The following XRCC4 variants were observed in gnomAD, a reference collection of about 807,000 sequenced individuals.
XRCC4 encodes DNA repair protein XRCC4.
A neutral mutation model predicts 39.1 loss-of-function variants in XRCC4; 28 were observed. The observed-to-expected ratio is 0.72, with a 90% CI of 0.53 to 0.98. The LOEUF (loss-of-function observed/expected upper bound fraction) is 0.98. XRCC4 is among the 50% of genes least tolerant of loss of function. XRCC4 has a pLI of 0.00. For missense variants in XRCC4, 350 were observed against 376.4 expected (o/e 0.93, Z 0.58); for synonymous variants, 123 against 126.4 (o/e 0.97, Z 0.18).
At chr5:83,139,723 T>C (rs1046682325) in intron 3 of XRCC4, among the ~76,000 whole-genome samples, 2 of 152,212 alleles carry the variant, frequency 1.3e-5, no homozygotes, top group Non-Finnish European at 2.9e-5. Flanking sequence ...CCATACAGCA[T>C]GTTGCTGTGC....
intron 4 of XRCC4, among the ~76,000 whole-genome samples, chr5:83,202,346 C>T (rs1339039922): frequency 1.3e-5 from 2 of 152,350 alleles, no homozygotes; most frequent in African/African-American, 4.8e-5. Flanking sequence ...ATAAAACACA[C>T]ATGCTGTCTG....
intron 3 of XRCC4, among the ~76,000 whole-genome samples, chr5:83,163,134 A>G (rs1749300776): frequency 6.6e-6 from 1 of 151,614 alleles, no homozygotes; most frequent in Non-Finnish European, 1.5e-5. Context: ...TTTAGTAAAG[A>G]CGGGGTTTCA....
At chr5:83,153,630 T>C (rs1049201581) in intron 3 of XRCC4, among the ~76,000 whole-genome samples, 2 of 152,172 alleles carry the variant, frequency 1.3e-5, no homozygotes, top group African/African-American at 4.8e-5. Flanking sequence ...AAAATAGTGA[T>C]GATGACAAAG....
Position 83,299,840 on chromosome 5 carries a change from T to C in XRCC4, c.893+41163T>C, listed in dbSNP as rs188210931. Among the ~76,000 whole-genome samples the C allele has an allele frequency of 7.9e-3, 1,202 of 152,112 alleles. 9 individuals are homozygous for C. Among genetic ancestry groups the C allele is most frequent in the South Asian group, 0.018 (88 of 4,826 alleles). The stretch of plus-strand genomic sequence containing the variant: ...ATCATCAACATGGTTATTTTATTGC[T>C]GTCTCTGTTAGTTATAATATTTGAA... On this transcript the variant is annotated intron_variant, in intron 7 of 7. Coordinates refer to ENST00000396027, the MANE Select transcript of XRCC4 (RefSeq NM_003401.5).
At chr5:83,297,515 T>C (rs1755136215) in intron 7 of XRCC4, among the ~76,000 whole-genome samples, 1 of 151,948 alleles carries the variant, frequency 6.6e-6, no homozygotes, top group Non-Finnish European at 1.5e-5. Flanking sequence ...ATTAAATGAA[T>C]ACACCAATAC....
intron 3 of XRCC4, among the ~76,000 whole-genome samples, chr5:83,193,972 C>T (rs1750826783): frequency 6.6e-6 from 1 of 151,828 alleles, no homozygotes; most frequent in Non-Finnish European, 1.5e-5. Flanking sequence ...CTCGCTGTAT[C>T]GCCCAGGCTG....
At chr5:83,112,055 T>C (rs1479877884) in intron 3 of XRCC4, among the ~76,000 whole-genome samples, 2 of 152,198 alleles carry the variant, frequency 1.3e-5, no homozygotes, top group African/African-American at 4.8e-5. Context: ...TAAACATTTG[T>C]AGAAACAAAT....
At chr5:83,104,795 TG>T in intron 1 of XRCC4, 114 bp from the exon 2 acceptor site, 1 of 872,354 alleles carries the variant, frequency 1.1e-6, no homozygotes, top group Non-Finnish European at 1.8e-6. Flanking sequence ...ACAGTTTTTT[TG>T]TTTTGCTTAT....
chr5:83,335,997 A>G (rs951145281), intron 7 of XRCC4, among the ~76,000 whole-genome samples: 3 of 152,012 alleles, frequency 2.0e-5, no homozygotes. Flanking sequence ...AGTTTTTTTT[A>G]ATTGTTCCTT....
At chr5:83,137,733 TTTAA>T (rs1364560031) in intron 3 of XRCC4, among the ~76,000 whole-genome samples, 13 of 152,260 alleles carry the variant, frequency 8.5e-5, no homozygotes, top group African/African-American at 2.4e-4. Context: ...GTTGTAAGGA[TTTAA>T]TTAATTAGTG....
intron 7 of XRCC4, among the ~76,000 whole-genome samples, chr5:83,352,024 A>G (rs569496680): frequency 3.9e-5 from 6 of 152,326 alleles, no homozygotes; most frequent in African/African-American, 9.6e-5. Context: ...TTACATTTAC[A>G]TCAACTCATT....
chr5:83,276,443 C>A (rs967429536), intron 7 of XRCC4, among the ~76,000 whole-genome samples: 2 of 121,690 alleles, frequency 1.6e-5, no homozygotes, highest in African/African-American at 7.9e-5. Flanking sequence ...TTAATCCATT[C>A]ATTTATGAAT....
intron 4 of XRCC4, 152 bp downstream of exon 4, chr5:83,196,088 C>T: frequency 2.7e-6 from 2 of 737,116 alleles, no homozygotes; most frequent in Non-Finnish European, 3.9e-6. Flanking sequence ...TTATTCATCA[C>T]TATTGTATAT....
In XRCC4 at chr5:83,165,980, G is replaced by A. The variant is rs903493698; in HGVS notation, c.316-29790G>A. On this transcript the variant is annotated intron_variant, in intron 3 of 7. Transcript: ENST00000396027. ...GGCTCACTGCAACCTCCACCCCCTG[G>A]GTCCAAACAATTCTCCTGCCCCAGC... Among the ~76,000 whole-genome samples, 20 of 150,894 alleles carry A rather than the reference G, an allele frequency of 1.3e-4. 1 individual carries two copies. Among genetic ancestry groups the A allele is most frequent in the Non-Finnish European group, 7.4e-5 (5 of 67,846 alleles).
At chr5:83,251,783 A>G (rs35256) in intron 6 of XRCC4, among the ~76,000 whole-genome samples, 104,097 of 151,936 alleles carry the variant, frequency 0.69, 37,693 homozygotes, top group East Asian at 0.96. Flanking sequence ...GGAGGCTGAC[A>G]TTTGGGAAAG....
intron 7 of XRCC4, among the ~76,000 whole-genome samples, chr5:83,259,912 G>T (rs1272770494): frequency 6.6e-6 from 1 of 152,050 alleles, no homozygotes; most frequent in Non-Finnish European, 1.5e-5. Flanking sequence ...CACAATTCAT[G>T]CCATCAGGAA....
intron 6 of XRCC4, among the ~76,000 whole-genome samples, chr5:83,220,501 A>T (rs1465830465): frequency 1.3e-5 from 2 of 152,138 alleles, no homozygotes; most frequent in African/African-American, 4.8e-5. Context: ...CCAGCGCATC[A>T]GCACTAACAT....
chr5:83,254,951 G>A (rs1007463876), intron 6 of XRCC4, among the ~76,000 whole-genome samples: 5 of 152,042 alleles, frequency 3.3e-5, no homozygotes, highest in African/African-American at 1.2e-4. Context: ...GCCGGGCATG[G>A]TGGCAGGCTT....
Position 83,145,089 on chromosome 5 carries a change from G to A in XRCC4, c.315+33886G>A, listed in dbSNP as rs113468190. On this transcript the variant is annotated intron_variant, in intron 3 of 7. Coordinates refer to ENST00000396027, the MANE Select transcript of XRCC4 (RefSeq NM_003401.5). ...TTTTTGTATTTTTAGTAGAGACGTG[G>A]TTTCACCGTGTTAGCCAGGATGGTC... Among the ~76,000 whole-genome samples, 211 of 152,250 alleles carry A rather than the reference G, an allele frequency of 1.4e-3. 1 individual carries two copies. The highest frequency in any genetic ancestry group is 5.0e-3 in the African/African-American group (209 of 41,552).
Sources: allele counts gnomAD v4.1 joint callset (sites outside exome capture counted in the v4.1 genomes callset), GRCh38; gene constraint gnomAD v4.1.1; transcripts MANE v1.5; gene names NCBI Gene and HGNC (gene_info 2026-07-23, HGNC 2026-07-21).